The following ERBB4 variants were observed in gnomAD, a reference collection of about 807,000 sequenced individuals.
ERBB4 encodes the protein receptor tyrosine-protein kinase erbB-4.
Under a neutral mutation model 158.0 loss-of-function variants are expected in ERBB4, and 42 were observed. The ratio of observed to expected loss-of-function variants is 0.27; its 90% CI spans 0.21 to 0.34. The LOEUF is 0.34. Ranked by LOEUF, ERBB4 falls within the 10% of genes least tolerant of loss-of-function variation. The pLI is 1.00. For missense variants in ERBB4, 1,333 were observed against 1,624.1 expected (o/e 0.82, Z 3.08); for synonymous variants, 583 against 558.7 (o/e 1.04, Z -0.61).
At position 212,032,780 on chromosome 2, in the gene ERBB4, G is replaced by T. The variant is rs185815476; in HGVS notation, c.235-85164C>A. Among the ~76,000 whole-genome samples the T allele has an allele frequency of 3.6e-3, 553 of 151,986 alleles. 14 individuals carry two copies. Among genetic ancestry groups the T allele is most frequent in the Admixed American group, 0.035 (532 of 15,232 alleles). ...GACATGCTTCTTGATAAGTTTATAG[G>T]TAAGGACATAGATGGGCTAGAGAGT... On this transcript the variant is annotated intron_variant, in intron 2 of 27. Coordinates refer to ENST00000342788, the MANE Select transcript of ERBB4 (RefSeq NM_005235.3).
At chr2:211,734,246 T>C (rs2074527359) in intron 5 of ERBB4, among the ~76,000 whole-genome samples, 1 of 152,148 alleles carries the variant, frequency 6.6e-6, no homozygotes, top group African/African-American at 2.4e-5. Flanking sequence ...CTTACTTGTT[T>C]ATGAGCAAAT....
At chr2:212,317,772 A>T (rs961839837) in intron 1 of ERBB4, among the ~76,000 whole-genome samples, 4 of 151,544 alleles carry the variant, frequency 2.6e-5, no homozygotes, top group Non-Finnish European at 5.9e-5. Context: ...GGCTAGGACT[A>T]GAACTTACTC....
chr2:212,409,884 G>C (rs2091448754), intron 1 of ERBB4, among the ~76,000 whole-genome samples: 1 of 151,912 alleles, frequency 6.6e-6, no homozygotes, highest in South Asian at 2.1e-4. Context: ...GAAATTTTAG[G>C]GTGGAATGGT....
chr2:212,023,904 A>G (rs983996151), intron 2 of ERBB4, among the ~76,000 whole-genome samples: 2 of 151,508 alleles, frequency 1.3e-5, no homozygotes, highest in African/African-American at 4.8e-5. Flanking sequence ...TACAACAAAA[A>G]CTTACACACA....
intron 1 of ERBB4, among the ~76,000 whole-genome samples, chr2:212,190,270 C>T (rs1234455577): frequency 6.6e-6 from 1 of 152,202 alleles, no homozygotes; most frequent in African/African-American, 2.4e-5. Flanking sequence ...GGCGCGGTAG[C>T]TCAAGCCTGT....
intron 2 of ERBB4, among the ~76,000 whole-genome samples, chr2:212,075,574 A>T: frequency 6.6e-6 from 1 of 151,916 alleles, no homozygotes; most frequent in East Asian, 1.9e-4. Context: ...TTATCAAAGA[A>T]ATCTTACATA....
At chr2:212,124,685 G>T (rs6723461) in intron 2 of ERBB4, 67 bp downstream of exon 2, 2 of 1,557,510 alleles carry the variant, frequency 1.3e-6, no homozygotes, top group Non-Finnish European at 1.8e-6. Flanking sequence ...CAGCACACAG[G>T]TCTGCCTGTA....
intron 25 of ERBB4, among the ~76,000 whole-genome samples, chr2:211,395,988 C>T (rs965285704): frequency 6.6e-6 from 1 of 151,052 alleles, no homozygotes; most frequent in Non-Finnish European, 1.5e-5. Flanking sequence ...AATAAGTAAT[C>T]TATAAGGCAG....
chr2:212,121,286 C>A (rs998734791), intron 2 of ERBB4, among the ~76,000 whole-genome samples: 2 of 152,170 alleles, frequency 1.3e-5, no homozygotes, highest in Non-Finnish European at 2.9e-5. Context: ...GGCTGGAGTG[C>A]AGTGGTGTGA....
rs924475286 is a variant in ERBB4 at position 211,435,523 on chromosome 2, G to T, written c.2488-4423C>A. 3.3e-5 allele frequency among the ~76,000 whole-genome samples: 5 copies of T among 152,314 alleles called. No individual in the cohort carries two copies. In the East Asian group the frequency reaches 9.7e-4, roughly 29 times the overall value. On this transcript the variant is annotated intron_variant, in intron 20 of 27. Transcript: ENST00000342788. ...ATGGAGCAGCACTGGTCTGTGGCCT[G>T]TTTGTTAGGAACTGGGCTGCACAGC... is the stretch of plus-strand genomic sequence containing the variant.
At chr2:211,489,957 G>T (rs2065298215) in intron 20 of ERBB4, among the ~76,000 whole-genome samples, 1 of 152,024 alleles carries the variant, frequency 6.6e-6, no homozygotes, top group African/African-American at 2.4e-5. Flanking sequence ...ACTATAGCTT[G>T]AATGTGTCTC....
chr2:212,147,771 G>T (rs938612218), intron 1 of ERBB4, among the ~76,000 whole-genome samples: 1 of 152,042 alleles, frequency 6.6e-6, no homozygotes, highest in African/African-American at 2.4e-5. Flanking sequence ...GTTTTGTTTT[G>T]CTGTCATTAT....
intron 1 of ERBB4, among the ~76,000 whole-genome samples, chr2:212,176,960 T>A (rs2125682347): frequency 6.6e-6 from 1 of 152,014 alleles, no homozygotes; most frequent in East Asian, 1.9e-4. Context: ...CTAAAATAAT[T>A]CTTTTTTCTT....
intron 25 of ERBB4, among the ~76,000 whole-genome samples, chr2:211,395,957 G>A: frequency 6.6e-6 from 1 of 151,726 alleles, no homozygotes; most frequent in Middle Eastern, 3.4e-3. Flanking sequence ...ATACTGTTTA[G>A]GGATTAAAAT....
At chr2:211,964,597 T>A (rs1433772851) in intron 2 of ERBB4, among the ~76,000 whole-genome samples, 1 of 152,192 alleles carries the variant, frequency 6.6e-6, no homozygotes, top group Non-Finnish European at 1.5e-5. Context: ...CTCCATTAAT[T>A]TCCTTAAGCA....
At chr2:211,549,278 G>A (rs1285309954) in intron 20 of ERBB4, among the ~76,000 whole-genome samples, 1 of 152,030 alleles carries the variant, frequency 6.6e-6, no homozygotes, top group East Asian at 1.9e-4. Flanking sequence ...TTCTAGCAAT[G>A]GAGGTGGGAA....
At chr2:211,553,543 A>G (rs1395906917) in intron 20 of ERBB4, among the ~76,000 whole-genome samples, 1 of 152,206 alleles carries the variant, frequency 6.6e-6, no homozygotes, top group Non-Finnish European at 1.5e-5. Flanking sequence ...AACTATAAAC[A>G]TATGTCTGTC....
At chr2:212,336,906 G>A (rs1320812541) in intron 1 of ERBB4, among the ~76,000 whole-genome samples, 2 of 152,018 alleles carry the variant, frequency 1.3e-5, no homozygotes, top group Admixed American at 6.6e-5. Context: ...TGATTAAGTA[G>A]TTCTGAGGTA....
intron 12 of ERBB4, among the ~76,000 whole-genome samples, chr2:211,683,799 C>T (rs1435484560): frequency 1.3e-5 from 2 of 150,172 alleles, no homozygotes; most frequent in African/African-American, 4.9e-5. Context: ...TACCATTTTA[C>T]ACTCTCACCA....
Sources: gnomAD v4.1 joint callset for allele counts (sites outside exome capture counted in the v4.1 genomes callset) on GRCh38, gnomAD v4.1.1 for gene constraint, MANE v1.5 for transcripts, NCBI Gene and HGNC (gene_info 2026-07-23, HGNC 2026-07-21) for gene names.